RABGAP1L: variants seen among roughly 807,000 people sequenced by gnomAD.
RABGAP1L encodes the protein RAB GTPase activating protein 1 like.
A neutral mutation model predicts 137.7 loss-of-function variants in RABGAP1L; 63 were observed. The ratio of observed to expected loss-of-function variants is 0.46; its 90% CI spans 0.37 to 0.56. The LOEUF (loss-of-function observed/expected upper bound fraction) is 0.56, where lower values mean the gene tolerates loss of function less well. Ranked by LOEUF, RABGAP1L falls within the 20% of genes least tolerant of loss-of-function variation. RABGAP1L has a pLI of 0.00. For missense variants in RABGAP1L, 1,095 were observed against 1,244.0 expected (o/e 0.88, Z 1.80); for synonymous variants, 431 against 433.7 (o/e 0.99, Z 0.08).
intron 13 of RABGAP1L, among the ~76,000 whole-genome samples, chr1:174,604,985 A>G (rs138950310): frequency 3.9e-5 from 6 of 152,226 alleles, no homozygotes; most frequent in African/African-American, 1.4e-4. Flanking sequence ...TACCAAAAAT[A>G]CAAAAATTTG....
At chr1:174,261,166 G>GA (rs1216961293) in intron 7 of RABGAP1L, among the ~76,000 whole-genome samples, 1 of 151,944 alleles carries the variant, frequency 6.6e-6, no homozygotes, top group African/African-American at 2.4e-5. Flanking sequence ...ACAGCAAGCA[G>GA]AATATAATGA....
intron 20 of RABGAP1L, chr1:174,957,976 A>T: frequency 1.3e-6 from 2 of 1,569,566 alleles, no homozygotes; most frequent in South Asian, 2.4e-5. Context: ...GGAAAAAGAA[A>T]GTGGCTTTCT....
intron 13 of RABGAP1L, among the ~76,000 whole-genome samples, chr1:174,420,385 AAG>A (rs968823475): frequency 5.9e-5 from 9 of 152,112 alleles, no homozygotes; most frequent in African/African-American, 2.2e-4. Flanking sequence ...CAAGAAGAAA[AAG>A]AGTTAAGATG....
chr1:174,804,864 T>C (rs779125544), intron 18 of RABGAP1L, among the ~76,000 whole-genome samples: 53 of 152,300 alleles, frequency 3.5e-4, no homozygotes, highest in Admixed American at 4.6e-4. Flanking sequence ...TTGTAGACTT[T>C]CTTAAACATT....
chr1:174,963,337 A>G (rs530806645), intron 20 of RABGAP1L, among the ~76,000 whole-genome samples: 1 of 152,092 alleles, frequency 6.6e-6, no homozygotes, highest in Non-Finnish European at 1.5e-5. Flanking sequence ...TTGTTATAGG[A>G]TGGTGAAGAT....
In RABGAP1L at chr1:174,241,515, C is replaced by A. The variant is rs1671826840; in HGVS notation, c.575C>A (p.Ala192Glu). The part of the protein sequence containing the change: ...IIDQSSNVEI[A>E]SFPIYKVLFC... Reference sequence around the variant, plus strand: ...GACCAATCCAGCAATGTGGAGATAGCATCTTTTCCAATCTATAAGGTGTTA... The same window carrying A: ...GACCAATCCAGCAATGTGGAGATAGAATCTTTTCCAATCTATAAGGTGTTA... Residue 192 changes from alanine (A) to glutamate (E), a missense_variant, in exon 5 of 26, where the codon GCA becomes GAA. Ala to Glu is a moderately radical substitution (Grantham distance 107, BLOSUM62 -1). This residue lies in a region of RABGAP1L where 356 missense variants were observed against 326.3 expected (regional missense o/e 1.09). Transcript: ENST00000681986. The A allele has an allele frequency of 6.2e-7, 1 of 1,604,596 alleles. No homozygotes were observed. The highest frequency in any genetic ancestry group is 2.2e-5 in the East Asian group (1 of 44,606).
intron 13 of RABGAP1L, among the ~76,000 whole-genome samples, chr1:174,521,334 T>C (rs577106357): frequency 1.1e-4 from 16 of 152,338 alleles, no homozygotes; most frequent in Non-Finnish European, 2.4e-4. Flanking sequence ...ATGAAATGAT[T>C]AGTTGATTGG....
At chr1:174,331,545 T>C in intron 11 of RABGAP1L, among the ~76,000 whole-genome samples, 1 of 152,190 alleles carries the variant, frequency 6.6e-6, no homozygotes, top group Non-Finnish European at 1.5e-5. Flanking sequence ...ACGCTCAACA[T>C]CACTATCAGG....
chr1:174,789,349 T>C (rs992653530), intron 18 of RABGAP1L, among the ~76,000 whole-genome samples: 4 of 152,216 alleles, frequency 2.6e-5, no homozygotes, highest in African/African-American at 7.2e-5. Context: ...TCTGTTTTTT[T>C]AGTATGTAAA....
chr1:174,398,250 A>G (rs1273036693), intron 13 of RABGAP1L, among the ~76,000 whole-genome samples: 1 of 152,220 alleles, frequency 6.6e-6, no homozygotes, highest in South Asian at 2.1e-4. Flanking sequence ...ATCATTACCT[A>G]TCTGGTAGAA....
At chr1:174,238,888 G>C (rs2148543223) in intron 4 of RABGAP1L, 1 of 158,832 alleles carries the variant, frequency 6.3e-6, no homozygotes, top group South Asian at 1.9e-4. Flanking sequence ...CTTGCAGTTT[G>C]ATCTCAGACT....
At chr1:174,614,793 C>G (rs1055654161) in intron 13 of RABGAP1L, among the ~76,000 whole-genome samples, 2 of 152,108 alleles carry the variant, frequency 1.3e-5, no homozygotes, top group Non-Finnish European at 2.9e-5. Flanking sequence ...ATTCTTTTTT[C>G]TCTAAACTTC....
chr1:174,645,208 A>G (rs1674864096), intron 14 of RABGAP1L, among the ~76,000 whole-genome samples: 2 of 152,022 alleles, frequency 1.3e-5, no homozygotes, highest in South Asian at 2.1e-4. Context: ...TATTTTTAAA[A>G]TATTTTATAA....
intron 19 of RABGAP1L, among the ~76,000 whole-genome samples, chr1:174,884,711 T>C (rs1190017483): frequency 1.3e-5 from 2 of 152,228 alleles, no homozygotes; most frequent in African/African-American, 2.4e-5. Context: ...GGGCAGTTCA[T>C]CTAGGCAACA....
chr1:174,304,889 C>A, intron 10 of RABGAP1L, 97 bp from the exon 11 acceptor site: 2 of 1,152,446 alleles, frequency 1.7e-6, no homozygotes, highest in Non-Finnish European at 2.4e-6. Flanking sequence ...ACACGCCATT[C>A]TTCATTGCAG....
chr1:174,807,016 C>T (rs1334219184), intron 18 of RABGAP1L, among the ~76,000 whole-genome samples: 3 of 152,114 alleles, frequency 2.0e-5, no homozygotes, highest in African/African-American at 7.2e-5. Flanking sequence ...GAACTCCTGA[C>T]CTCAAAGTGA....
At chr1:174,255,049 A>G (rs1673003213) in intron 7 of RABGAP1L, among the ~76,000 whole-genome samples, 1 of 152,192 alleles carries the variant, frequency 6.6e-6, no homozygotes, top group African/African-American at 2.4e-5. Flanking sequence ...GTGAGATGGT[A>G]TCTCATTGTA....
In RABGAP1L at chr1:174,978,874, T is replaced by C. The variant is rs1390954979; in HGVS notation, c.2717T>C (p.Ile906Thr). ...GAAATAAAGAAGACTACAGCTATCATTGCTGAGTATAAACAGGTAATGTAC... is the reference window on the plus strand; with the variant it reads ...GAAATAAAGAAGACTACAGCTATCACTGCTGAGTATAAACAGGTAATGTAC... ...EYEIKKTTAI[I>T]AEYKQICSQL... is the part of the protein sequence containing the mutation. The change falls in exon 23 of 26, where the codon ATT (isoleucine) becomes ACT (threonine). Residue 906 changes from isoleucine (I) to threonine (T), a missense_variant. Transcript: ENST00000681986. The C allele has an allele frequency of 1.3e-6, 2 of 1,543,050 alleles. No homozygotes were observed. The highest frequency in any genetic ancestry group is 2.5e-5 in the East Asian group (1 of 40,546).
intron 13 of RABGAP1L, among the ~76,000 whole-genome samples, chr1:174,464,512 A>C (rs1333502915): frequency 6.6e-6 from 1 of 152,206 alleles, no homozygotes; most frequent in African/African-American, 2.4e-5. Context: ...TTTCAAAGGA[A>C]AATCATTATT....
Sources: gnomAD v4.1 joint callset for allele counts (sites outside exome capture counted in the v4.1 genomes callset) on GRCh38, gnomAD v4.1.1 for gene constraint, gnomAD v4.1.1 regional missense constraint, MANE v1.5 for transcripts, NCBI Gene and HGNC (gene_info 2026-07-23, HGNC 2026-07-21) for gene names.